Variants in LY75 observed in about 807,000 individuals in gnomAD.
LY75 encodes C-type lectin domain family 13 member B.
LY75 carries 185 observed loss-of-function variants against 231.7 expected under a neutral mutation model. The observed-to-expected ratio is 0.80, with a 90% CI of 0.71 to 0.90. LY75 has a LOEUF of 0.90. LY75 is among the 40% of genes least tolerant of loss of function. The pLI is 0.00. For synonymous variants in LY75, 668 were observed against 689.0 expected (o/e 0.97, Z 0.48); for missense variants, 1,947 against 2,050.2 (o/e 0.95, Z 0.97).
chr2:159,833,129 CTTT>C (rs5835769), intron 27 of LY75, among the ~76,000 whole-genome samples: 9 of 133,984 alleles, frequency 6.7e-5, no homozygotes, highest in African/African-American at 5.6e-5. Flanking sequence ...TTCCCCCTTC[CTTT>C]TTTTTTTTTT....
chr2:159,824,501 T>A (rs1213723060), intron 28 of LY75, among the ~76,000 whole-genome samples: 2 of 152,146 alleles, frequency 1.3e-5, no homozygotes, highest in Non-Finnish European at 2.9e-5. Flanking sequence ...AGACTTAGGC[T>A]CCTGCACAAT....
intron 8 of LY75, among the ~76,000 whole-genome samples, chr2:159,880,878 G>C (rs935907677): frequency 6.6e-6 from 1 of 152,168 alleles, no homozygotes; most frequent in East Asian, 1.9e-4. Flanking sequence ...CGGAGTTCAG[G>C]CAGTAATGCT....
chr2:159,883,405 G>A (rs1372970999), intron 6 of LY75, among the ~76,000 whole-genome samples: 1 of 151,886 alleles, frequency 6.6e-6, no homozygotes, highest in African/African-American at 2.4e-5. Flanking sequence ...TTCTGAAATA[G>A]CATGTATTAT....
At chr2:159,887,211 T>TCTCACACACA (rs1553812719) in intron 4 of LY75, among the ~76,000 whole-genome samples, 1 of 129,970 alleles carries the variant, frequency 7.7e-6, no homozygotes, top group African/African-American at 2.8e-5. Flanking sequence ...AGAGTGAGAG[T>TCTCACACACA]CACACACACA....
At chr2:159,883,015 T>A (rs960315707) in intron 6 of LY75, among the ~76,000 whole-genome samples, 1 of 151,682 alleles carries the variant, frequency 6.6e-6, no homozygotes, top group Non-Finnish European at 1.5e-5. Flanking sequence ...ACAGAATACT[T>A]CTATCCCCGT....
chr2:159,882,529 G>A (rs1685467478), intron 6 of LY75, among the ~76,000 whole-genome samples: 1 of 152,192 alleles, frequency 6.6e-6, no homozygotes, highest in Non-Finnish European at 1.5e-5. Flanking sequence ...AAAATGATGT[G>A]ACTTTAACAT....
intron 28 of LY75, among the ~76,000 whole-genome samples, chr2:159,822,996 A>T (rs1171808794): frequency 1.3e-5 from 2 of 152,234 alleles, no homozygotes; most frequent in African/African-American, 4.8e-5. Context: ...GGGAGAAACC[A>T]GTGCAAAAAG....
At chr2:159,883,292 AAG>A (rs1223009331) in intron 6 of LY75, among the ~76,000 whole-genome samples, 2 of 139,410 alleles carry the variant, frequency 1.4e-5, no homozygotes, top group Non-Finnish European at 2.9e-5. Flanking sequence ...TAAAAAAAAA[AAG>A]AAAAAAAAAT....
At chr2:159,814,928 C>T (rs980817366) in intron 31 of LY75, among the ~76,000 whole-genome samples, 1 of 150,940 alleles carries the variant, frequency 6.6e-6, no homozygotes, top group Non-Finnish European at 1.5e-5. Context: ...TCCCTGAGTG[C>T]TTATACTGTA....
intron 13 of LY75, among the ~76,000 whole-genome samples, chr2:159,869,825 T>A (rs148376959): frequency 1.1e-3 from 161 of 152,340 alleles, no homozygotes; most frequent in African/African-American, 3.6e-3. Flanking sequence ...AATGTTTGCA[T>A]AGCAAATGTC....
chr2:159,878,357 C>T lies in LY75; in HGVS notation c.1741G>A (p.Val581Ile), dbSNP rs1428936843. 2 of 1,614,030 alleles carry T rather than the reference C, an allele frequency of 1.2e-6. No homozygotes were observed. The highest frequency in any genetic ancestry group is 1.7e-4 in the Middle Eastern group (1 of 6,060). Residue 581 changes from valine to isoleucine, a missense_variant, in exon 11 of 35, where the codon GTA (valine) becomes ATA (isoleucine). Physicochemically the swap from Val to Ile is conservative, Grantham distance 29. Coordinates refer to ENST00000263636, the MANE Select transcript of LY75 (RefSeq NM_002349.4). Reference protein sequence around the residue: ...WATVGGRRRAVTFSNWNFLEP... With the variant: ...WATVGGRRRAITFSNWNFLEP... The stretch of plus-strand genomic sequence containing the variant: ...AGAAAATTCCAGTTGGAAAAGGTTA[C>T]AGCCCGCCTTCTTCCACCAACAGTT...
intron 26 of LY75, 86 bp from the exon 27 acceptor site, chr2:159,834,297 A>T: frequency 6.5e-7 from 1 of 1,537,326 alleles, no homozygotes; most frequent in Non-Finnish European, 8.8e-7. Context: ...ATTTGTAGGA[A>T]ATATTCAGGA....
At chr2:159,850,581 T>C in intron 21 of LY75, 114 bp from the exon 22 acceptor site, 2 of 1,323,800 alleles carry the variant, frequency 1.5e-6, no homozygotes, top group Non-Finnish European at 2.1e-6. Flanking sequence ...TGAGATATGG[T>C]AATTTGCAAT....
intron 25 of LY75, among the ~76,000 whole-genome samples, chr2:159,838,166 G>A (rs557837574): frequency 6.6e-6 from 1 of 152,224 alleles, no homozygotes; most frequent in East Asian, 1.9e-4. Flanking sequence ...GTCTACTTAA[G>A]TAAAGTCTTA....
At chr2:159,869,693 C>T (rs1684954304) in intron 13 of LY75, among the ~76,000 whole-genome samples, 1 of 152,290 alleles carries the variant, frequency 6.6e-6, no homozygotes, top group Non-Finnish European at 1.5e-5. Flanking sequence ...CAGAACACTG[C>T]CACATCTGCT....
intron 3 of LY75, among the ~76,000 whole-genome samples, chr2:159,893,300 C>T (rs751660312): frequency 6.6e-6 from 1 of 152,184 alleles, no homozygotes; most frequent in Admixed American, 6.6e-5. Context: ...AGGAAAGTTA[C>T]GTTGAAATGA....
chr2:159,850,791 T>TATATAAAAAA (rs1553805729), intron 21 of LY75, among the ~76,000 whole-genome samples: 1 of 94,484 alleles, frequency 1.1e-5, no homozygotes, highest in African/African-American at 4.0e-5. Flanking sequence ...TATATATATA[T>TATATAAAAAA]ATATATATTA....
intron 13 of LY75, among the ~76,000 whole-genome samples, chr2:159,869,155 A>C (rs1192869403): frequency 6.6e-6 from 1 of 152,070 alleles, no homozygotes. Context: ...GTTGTGGGGC[A>C]GAGTGATGGG....
chr2:159,891,258 A>C (rs1511225), intron 3 of LY75, among the ~76,000 whole-genome samples: 133,000 of 152,172 alleles, frequency 0.87, 59,692 homozygotes, highest in East Asian at 1. Context: ...GTCCTTATTT[A>C]ACAGACAGGA....
Sources: gnomAD v4.1 joint callset for allele counts (sites outside exome capture counted in the v4.1 genomes callset) on GRCh38, gnomAD v4.1.1 for gene constraint, MANE v1.5 for transcripts, NCBI Gene and HGNC (gene_info 2026-07-23, HGNC 2026-07-21) for gene names.